The following PPP4R3B variants were observed in gnomAD, a reference collection of about 807,000 sequenced individuals.
PPP4R3B encodes the protein serine/threonine-protein phosphatase 4 regulatory subunit 3B.
In PPP4R3B, 52 loss-of-function variants were observed where a neutral mutation model predicts 95.4. The ratio of observed to expected loss-of-function variants is 0.54; its 90% CI spans 0.44 to 0.69. The LOEUF (loss-of-function observed/expected upper bound fraction) is 0.69. Among genes scored for constraint, PPP4R3B ranks in the 30% least tolerant of loss-of-function variants. The pLI is 0.00. For missense variants in PPP4R3B, 1,003 were observed against 1,005.9 expected (o/e 1.00, Z 0.04); for synonymous variants, 407 against 343.9 (o/e 1.18, Z -2.03).
rs745633769 is a variant in PPP4R3B at position 55,568,322 on chromosome 2, C to G, written c.1807G>C (p.Glu603Gln). The G allele has an allele frequency of 1.9e-6, 3 of 1,606,646 alleles. No individual in the cohort carries two copies. The highest frequency in any genetic ancestry group is 2.5e-6 in the Non-Finnish European group (3 of 1,177,046). ...TTGGTGATGTAACGATTATAAAATT[C>G]ATCTTTAAGTCCAATTATCCGCCTC... ...FMRRIIGLKD[E>Q]FYNRYITKGN... Residue 603 changes from glutamate to glutamine, a missense_variant, in exon 13 of 17, where the codon GAA becomes CAA. Coordinates refer to ENST00000616407, the MANE Select transcript of PPP4R3B (RefSeq NM_001122964.3).
chr2:55,614,570 T>C (rs961715193), intron 2 of PPP4R3B: 1 of 152,140 alleles, frequency 6.6e-6, no homozygotes, highest in African/African-American at 2.4e-5. Flanking sequence ...TACATACATA[T>C]GCAGAAAAGG....
At chr2:55,606,185 C>A (rs533137425) in intron 2 of PPP4R3B, among the ~76,000 whole-genome samples, 1 of 151,864 alleles carries the variant, frequency 6.6e-6, no homozygotes, top group East Asian at 1.9e-4. Context: ...CAGTTTAATT[C>A]GCTTATTATA....
At position 55,549,806 on chromosome 2, in the gene PPP4R3B, ATATTT is replaced by A; in HGVS notation, c.*100_*104del. On this transcript the variant is annotated 3_prime_UTR_variant, in exon 17 of 17. Coordinates refer to ENST00000616407, the MANE Select transcript of PPP4R3B (RefSeq NM_001122964.3). ...TATACTGTCTTTTGCTACTCCTTGT[ATATTT>A]TATAAGTTCAATTGAGAAAGCTTTC... is the stretch of plus-strand genomic sequence containing the variant. 1 of 863,030 alleles carries A rather than the reference ATATTT, an allele frequency of 1.2e-6. No individual in the cohort carries two copies. Among genetic ancestry groups the A allele is most frequent in the Non-Finnish European group, 1.9e-6 (1 of 517,110 alleles). 53.5% of individuals were successfully genotyped at this position (863,030 alleles called of 1,614,324 possible).
intron 4 of PPP4R3B, among the ~76,000 whole-genome samples, chr2:55,589,362 A>G (rs1319297738): frequency 6.6e-6 from 1 of 152,122 alleles, no homozygotes; most frequent in African/African-American, 2.4e-5. Context: ...ATTGTAAGAC[A>G]AGGAACAAGG....
chr2:55,599,098 G>A, intron 3 of PPP4R3B, 59 bp from the exon 4 acceptor site: 3 of 1,446,972 alleles, frequency 2.1e-6, no homozygotes, highest in Non-Finnish European at 2.8e-6. Flanking sequence ...TCAAAATTTT[G>A]GAAATCAAAT....
Position 55,549,992 on chromosome 2 carries a change from G to C in PPP4R3B, c.2469C>G (p.Gly823=). 6.2e-7 allele frequency: 1 copy of C among 1,606,398 alleles called. No individual in the cohort carries two copies. The highest frequency in any genetic ancestry group is 8.5e-7 in the Non-Finnish European group (1 of 1,178,278). The change falls in exon 17 of 17, where the codon GGC becomes GGG. Residue 823 remains glycine, a synonymous_variant. Transcript: ENST00000616407. ...SVTATKGSLV[G]LVDYPDDEEE... ...CTTCATCATCTGGATAATCCACTAA[G>C]CCAACCAAACTTCCCTATTGAAGAA...
chr2:55,599,849 C>CA (rs1397184870), intron 3 of PPP4R3B, among the ~76,000 whole-genome samples: 1 of 152,182 alleles, frequency 6.6e-6, no homozygotes, highest in Non-Finnish European at 1.5e-5. Context: ...AAAAGCCCAT[C>CA]AGTACTCAAC....
chr2:55,565,999 G>A (rs1304229649), intron 13 of PPP4R3B: 1 of 152,052 alleles, frequency 6.6e-6, no homozygotes, highest in African/African-American at 2.4e-5. Context: ...TAATATCTGT[G>A]AAATAAACTA....
At chr2:55,587,250 G>A (rs1690270481) in intron 5 of PPP4R3B, among the ~76,000 whole-genome samples, 1 of 152,228 alleles carries the variant, frequency 6.6e-6, no homozygotes, top group African/African-American at 2.4e-5. Flanking sequence ...TTTTTAAAAT[G>A]TTTTTAAATG....
At chr2:55,610,446 T>G (rs776243192) in intron 2 of PPP4R3B, among the ~76,000 whole-genome samples, 3 of 152,208 alleles carry the variant, frequency 2.0e-5, no homozygotes, top group Non-Finnish European at 4.4e-5. Context: ...CTGCTACAAA[T>G]AGGCTTAATA....
intron 4 of PPP4R3B, among the ~76,000 whole-genome samples, chr2:55,590,557 C>T (rs1396368225): frequency 2.0e-5 from 3 of 151,750 alleles, no homozygotes; most frequent in Non-Finnish European, 4.4e-5. Context: ...AAAAAATGGG[C>T]AAAAATATTA....
intron 4 of PPP4R3B, among the ~76,000 whole-genome samples, chr2:55,594,978 C>T (rs975756013): frequency 2.0e-5 from 3 of 150,558 alleles, no homozygotes; most frequent in Non-Finnish European, 2.9e-5. Flanking sequence ...TAGCTAGGCA[C>T]TAAGTCAGAG....
intron 8 of PPP4R3B, 69 bp from the exon 9 acceptor site, chr2:55,579,850 A>C: frequency 1.1e-6 from 1 of 940,404 alleles, no homozygotes; most frequent in East Asian, 2.6e-5. Context: ...GATTAGCAGT[A>C]CATACCTTTT....
chr2:55,595,128 A>G (rs544370477), intron 4 of PPP4R3B, among the ~76,000 whole-genome samples: 3 of 151,872 alleles, frequency 2.0e-5, no homozygotes, highest in African/African-American at 4.8e-5. Flanking sequence ...GGTTCAAGCA[A>G]TTCTCCCACT....
intron 8 of PPP4R3B, among the ~76,000 whole-genome samples, chr2:55,580,767 G>A (rs947081543): frequency 6.6e-6 from 1 of 151,946 alleles, no homozygotes; most frequent in African/African-American, 2.4e-5. Context: ...AAATATGAAG[G>A]AAATTTTATA....
chr2:55,608,014 T>G (rs932133489), intron 2 of PPP4R3B, among the ~76,000 whole-genome samples: 2 of 152,164 alleles, frequency 1.3e-5, no homozygotes, highest in Non-Finnish European at 2.9e-5. Flanking sequence ...CTTTTGCTCT[T>G]CTTTTTTTTG....
At chr2:55,613,896 C>A (rs988636259) in intron 2 of PPP4R3B, among the ~76,000 whole-genome samples, 1 of 151,788 alleles carries the variant, frequency 6.6e-6, no homozygotes, top group Admixed American at 6.6e-5. Context: ...GGTAAAAACT[C>A]GGTATAAAGA....
At chr2:55,612,091 T>A (rs901777784) in intron 2 of PPP4R3B, among the ~76,000 whole-genome samples, 1 of 152,120 alleles carries the variant, frequency 6.6e-6, no homozygotes, top group Non-Finnish European at 1.5e-5. Flanking sequence ...ACTTACTCAT[T>A]AAGTTTTTAA....
chr2:55,604,827 T>C (rs963074017), intron 2 of PPP4R3B, among the ~76,000 whole-genome samples: 10 of 148,686 alleles, frequency 6.7e-5, no homozygotes, highest in Non-Finnish European at 1.5e-4. Flanking sequence ...TACACACAAA[T>C]ATACATATAT....
Sources: allele counts gnomAD v4.1 joint callset (sites outside exome capture counted in the v4.1 genomes callset), GRCh38; gene constraint gnomAD v4.1.1; transcripts MANE v1.5; gene names NCBI Gene and HGNC (gene_info 2026-07-23, HGNC 2026-07-21).